The following CMIP variants were observed in gnomAD, a reference collection of about 807,000 sequenced individuals.
CMIP encodes C-Maf-inducing protein.
A neutral mutation model predicts 97.3 loss-of-function variants in CMIP; 13 were observed. The observed-to-expected ratio is 0.13, with a 90% CI of 0.09 to 0.21. The LOEUF is 0.21. Among genes scored for constraint, CMIP ranks in the 10% least tolerant of loss-of-function variants. CMIP has a pLI of 1.00. For synonymous variants in CMIP, 538 were observed against 436.3 expected, an observed-to-expected ratio of 1.23 and a Z score of -2.91; for missense variants, 847 against 1,024.9, an observed-to-expected ratio of 0.83 and a Z score of 2.37.
At position 81,652,454 on chromosome 16, in the gene CMIP, C is replaced by A; in HGVS notation, c.639+90C>A. On this transcript the variant is annotated intron_variant, in intron 4 of 20. Coordinates refer to ENST00000537098, the MANE Select transcript of CMIP (RefSeq NM_198390.3). The surrounding 1 kb of genome is among the most constrained non-coding windows in gnomAD (Gnocchi z 5.2). Reference sequence around the variant, plus strand: ...TGCCAAGCAGCAGGCGCAGGCAGAGCTCCGTGTGGGCTGTGTTGTTGCCCT... The same window carrying A: ...TGCCAAGCAGCAGGCGCAGGCAGAGATCCGTGTGGGCTGTGTTGTTGCCCT... 8.5e-7 allele frequency: 1 copy of A among 1,169,988 alleles called. No homozygotes were observed. Among genetic ancestry groups the A allele is most frequent in the Non-Finnish European group, 1.2e-6 (1 of 811,314 alleles). 72.5% of individuals were successfully genotyped at this position (1,169,988 alleles called of 1,614,324 possible).
intron 1 of CMIP, among the ~76,000 whole-genome samples, chr16:81,515,287 T>C (rs2089891222): frequency 6.6e-6 from 1 of 152,144 alleles, no homozygotes; most frequent in Non-Finnish European, 1.5e-5. Context: ...TCAAAATGAC[T>C]CACAGCTGAA....
At chr16:81,483,593 T>C (rs112038323) in intron 1 of CMIP, among the ~76,000 whole-genome samples, 9 of 141,382 alleles carry the variant, frequency 6.4e-5, no homozygotes, top group African/African-American at 1.6e-4. Context: ...CTCTTCCTCT[T>C]CCTCTTCCTC....
At chr16:81,467,131 T>C (rs1907249699) in intron 1 of CMIP, among the ~76,000 whole-genome samples, 1 of 152,224 alleles carries the variant, frequency 6.6e-6, no homozygotes, top group Non-Finnish European at 1.5e-5. Context: ...GGCAAGGGGC[T>C]TAGGCGAGGT....
In CMIP at chr16:81,637,237, A is replaced by AT. The variant is rs2092248729; in HGVS notation, c.478-14959dup. ...AGGTGCGTGCCACCATGCCCAGCTA[A>AT]TTTTTTTGTATTTTTAGTAGAGACG... On this transcript the variant is annotated intron_variant, in intron 3 of 20. Transcript: ENST00000537098. Among the ~76,000 whole-genome samples, 4 of 151,838 alleles carry AT rather than the reference A, an allele frequency of 2.6e-5. No individual in the cohort carries two copies. In the South Asian group the frequency reaches 8.3e-4, roughly 32 times the overall value.
At position 81,445,367 on chromosome 16, in the gene CMIP, G is replaced by T. The variant is rs747856459; in HGVS notation, c.126G>T (p.Arg42=). The change falls in exon 1 of 21, where the codon CGG becomes CGT. Residue 42 remains arginine, a synonymous_variant. Transcript: ENST00000537098. The part of the protein sequence containing the change: ...GTKMGAVPCR[R]ALLLCNGMRY... ...AGATGGGCGCCGTGCCCTGCCGCCG[G>T]GCTCTTCTGCTTTGCAACGGGATGA... The T allele has an allele frequency of 1.9e-6, 3 of 1,604,392 alleles. No homozygotes were observed. Among genetic ancestry groups the T allele is most frequent in the East Asian group, 2.3e-5 (1 of 44,354 alleles).
At chr16:81,625,730 C>T (rs78061352) in intron 3 of CMIP, among the ~76,000 whole-genome samples, 137 of 152,334 alleles carry the variant, frequency 9.0e-4, no homozygotes, top group Admixed American at 2.2e-3. Flanking sequence ...AGACACACAC[C>T]AGGCTCCTAG....
chr16:81,639,045 T>G (rs956792025), intron 3 of CMIP, among the ~76,000 whole-genome samples: 4 of 152,092 alleles, frequency 2.6e-5, no homozygotes, highest in African/African-American at 9.7e-5. Context: ...AGTCCAGGAT[T>G]GTTCCTGTGT....
chr16:81,446,635 G>A (rs999342859), intron 1 of CMIP, among the ~76,000 whole-genome samples: 1 of 152,146 alleles, frequency 6.6e-6, no homozygotes, highest in South Asian at 2.1e-4. Context: ...GTGGGAGGGG[G>A]CCGAATCCAC....
At chr16:81,562,358 A>G (rs1049997863) in intron 1 of CMIP, among the ~76,000 whole-genome samples, 4 of 152,230 alleles carry the variant, frequency 2.6e-5, no homozygotes, top group Non-Finnish European at 4.4e-5. Context: ...AGTCCTGACA[A>G]GGGGGCCCTG....
chr16:81,457,770 A>C (rs1468816106), intron 1 of CMIP, among the ~76,000 whole-genome samples: 1 of 152,180 alleles, frequency 6.6e-6, no homozygotes, highest in African/African-American at 2.4e-5. Context: ...GTCTCTTCAG[A>C]ACTGGCCCAC....
At chr16:81,576,361 G>C (rs1051776437) in intron 1 of CMIP, among the ~76,000 whole-genome samples, 1 of 152,054 alleles carries the variant, frequency 6.6e-6, no homozygotes, top group Non-Finnish European at 1.5e-5. Context: ...CTGAGATCAC[G>C]TCACTGAACT....
At position 81,693,504 on chromosome 16, in the gene CMIP, T is replaced by A. The variant is rs1906348699; in HGVS notation, c.1530+17T>A. The stretch of plus-strand genomic sequence containing the variant: ...AGGCAAGAGGTGAGGCCTTTGTTTC[T>A]GCATCTCAGGCCGGCTGTCTGGGGA... On this transcript the variant is annotated intron_variant, in intron 13 of 20. Coordinates refer to ENST00000537098, the MANE Select transcript of CMIP (RefSeq NM_198390.3). 1 of 1,608,602 alleles carries A rather than the reference T, an allele frequency of 6.2e-7. No homozygotes were observed. The highest frequency in any genetic ancestry group is 1.3e-5 in the African/African-American group (1 of 74,862).
chr16:81,616,116 GTGCCTTGCCTTACA>G lies in CMIP; in HGVS notation c.427-4757_427-4744del. 6.6e-6 allele frequency among the ~76,000 whole-genome samples: 1 copy of G among 151,642 alleles called. No individual in the cohort carries two copies. The highest frequency in any genetic ancestry group is 1.9e-4 in the East Asian group (1 of 5,164). Reference sequence around the variant, plus strand: ...AGACTGTCCTCAGCCCGGCATCTCTGTGCCTTGCCTTACATGTCATTAATTCATTCAGCTGTATT... The same window carrying G: ...AGACTGTCCTCAGCCCGGCATCTCTGTGTCATTAATTCATTCAGCTGTATT... On this transcript the variant is annotated intron_variant, in intron 2 of 20. Transcript: ENST00000537098. This position sits in a 1 kb window ranked among gnomAD's most constrained non-coding sequence, Gnocchi z 4.7.
At chr16:81,672,167 G>C in intron 9 of CMIP, 97 bp downstream of exon 9, 2 of 696,784 alleles carry the variant, frequency 2.9e-6, no homozygotes, top group Non-Finnish European at 5.1e-6. Context: ...AGGCCAGAGA[G>C]GTGGAGTGGC....
At chr16:81,657,281 C>A (rs1468745489) in intron 4 of CMIP, among the ~76,000 whole-genome samples, 1 of 152,132 alleles carries the variant, frequency 6.6e-6, no homozygotes, top group Non-Finnish European at 1.5e-5. Flanking sequence ...ACTTCATGTT[C>A]CTTGGGAACT....
chr16:81,670,402 G>A (rs1051168855), intron 8 of CMIP, among the ~76,000 whole-genome samples, 157 bp downstream of exon 8: 4 of 152,102 alleles, frequency 2.6e-5, no homozygotes, highest in South Asian at 2.1e-4. Flanking sequence ...ATAGGAACTC[G>A]GACACACTGG....
At chr16:81,623,734 G>A (rs190107512) in intron 3 of CMIP, among the ~76,000 whole-genome samples, 107 of 152,326 alleles carry the variant, frequency 7.0e-4, no homozygotes, top group African/African-American at 2.4e-3. Context: ...GCTGGGAAAC[G>A]TGAATTTGGA....
At chr16:81,487,934 A>G (rs756410555) in intron 1 of CMIP, among the ~76,000 whole-genome samples, 9 of 152,198 alleles carry the variant, frequency 5.9e-5, no homozygotes, top group Non-Finnish European at 1.2e-4. Flanking sequence ...CTCTTCTTGC[A>G]TGGAATGACT....
At chr16:81,448,557 C>T (rs574616807) in intron 1 of CMIP, among the ~76,000 whole-genome samples, 1 of 152,228 alleles carries the variant, frequency 6.6e-6, no homozygotes, top group South Asian at 2.1e-4. Flanking sequence ...CCCGCCTGGC[C>T]TGCCTGTAAA....
Sources: gnomAD v4.1 joint callset for allele counts (sites outside exome capture counted in the v4.1 genomes callset) on GRCh38, gnomAD v4.1.1 for gene constraint, Gnocchi (gnomAD v3.1) non-coding constraint, MANE v1.5 for transcripts, NCBI Gene and HGNC (gene_info 2026-07-23, HGNC 2026-07-21) for gene names.